Variants in SCAPER observed in about 807,000 individuals in gnomAD.
SCAPER encodes S phase cyclin A-associated protein in the endoplasmic reticulum.
A neutral mutation model predicts 182.2 loss-of-function variants in SCAPER; 98 were observed. The observed-to-expected ratio is 0.54, with a 90% confidence interval of 0.46 to 0.64. The LOEUF is 0.64. Among genes scored for constraint, SCAPER ranks in the 30% least tolerant of loss-of-function variants. The probability of loss-of-function intolerance (pLI) is 0.00; values close to 1 mark genes in which losing one functional copy is unlikely to be tolerated. For synonymous variants in SCAPER, 605 were observed against 564.6 expected (o/e 1.07, Z -1.01); for missense variants, 1,432 against 1,690.0 (o/e 0.85, Z 2.68).
intron 23 of SCAPER, among the ~76,000 whole-genome samples, chr15:76,563,701 G>C (rs1199559101): frequency 6.6e-6 from 1 of 152,132 alleles, no homozygotes; most frequent in East Asian, 1.9e-4. Context: ...AAACCTGGAA[G>C]AGATACAACA....
chr15:76,742,721 G>A (rs998088722), intron 15 of SCAPER, among the ~76,000 whole-genome samples: 4 of 151,586 alleles, frequency 2.6e-5, no homozygotes, highest in Admixed American at 6.6e-5. Context: ...AGAACTAAAG[G>A]ATTTGAAATG....
At chr15:76,579,036 G>A (rs1179898403) in intron 22 of SCAPER, among the ~76,000 whole-genome samples, 1 of 152,076 alleles carries the variant, frequency 6.6e-6, no homozygotes. Context: ...GGAGGCTGAG[G>A]CGGGCAGATC....
intron 23 of SCAPER, among the ~76,000 whole-genome samples, chr15:76,557,395 T>A (rs1410868144): frequency 6.6e-6 from 1 of 152,204 alleles, no homozygotes; most frequent in Admixed American, 6.5e-5. Flanking sequence ...AGTTTGGCTC[T>A]GTGTCTCCAC....
chr15:76,504,999 T>C (rs1404475483), intron 23 of SCAPER, 25 bp from the exon 24 acceptor site: 1 of 1,574,628 alleles, frequency 6.4e-7, no homozygotes, highest in African/African-American at 1.3e-5. Context: ...AAACAGAAGT[T>C]AGCCCAATTT....
At chr15:76,841,975 C>T in intron 4 of SCAPER, 44 bp from the exon 5 acceptor site, 1 of 1,509,086 alleles carries the variant, frequency 6.6e-7, no homozygotes, top group East Asian at 2.3e-5. Flanking sequence ...AATAAAAGGG[C>T]TTCCAGGGAC....
chr15:76,735,310 C>T (rs981271041), intron 15 of SCAPER, among the ~76,000 whole-genome samples: 9 of 152,000 alleles, frequency 5.9e-5, no homozygotes, highest in African/African-American at 2.2e-4. Flanking sequence ...GAGTTAGAGG[C>T]TGCAGTGAGC....
Position 76,883,845 on chromosome 15 carries a change from C to A in SCAPER, c.-28G>T. On this transcript the variant is annotated 5_prime_UTR_variant, in exon 2 of 32. The change abolishes an upstream ATG in the 5' untranslated region. Coordinates refer to ENST00000563290, the MANE Select transcript of SCAPER (RefSeq NM_020843.4). ...TTTAAATTCTCTTCTATGCCAAGATCATTTATCACATAAACCCATGGAGTA... is the reference window on the plus strand; with the variant it reads ...TTTAAATTCTCTTCTATGCCAAGATAATTTATCACATAAACCCATGGAGTA... 2 of 1,511,012 alleles carry A rather than the reference C, an allele frequency of 1.3e-6. No homozygotes were observed. Among genetic ancestry groups the A allele is most frequent in the Admixed American group, 2.0e-5 (1 of 49,668 alleles). The allele number at this position is 1,511,012 out of a possible 1,614,324, so 93.6% of individuals were successfully genotyped here.
intron 17 of SCAPER, among the ~76,000 whole-genome samples, chr15:76,706,719 G>A (rs1204855957): frequency 1.3e-5 from 2 of 151,978 alleles, no homozygotes; most frequent in Admixed American, 6.6e-5. Context: ...TACAGAAATG[G>A]TGAGACAAGT....
chr15:76,771,816 G>C lies in SCAPER; in HGVS notation c.1174C>G (p.Gln392Glu), dbSNP rs771277608. ...GCTGGAAATTTTTCTTCATTTACTT[G>C]TAAAGGAGGTGTACCAGCTTGCAGC... ...VMLQAGTPPL[Q>E]VNEEKFPAEK... The change falls in exon 10 of 32, where the codon CAA (glutamine) becomes GAA (glutamate). Residue 392 changes from glutamine (Q) to glutamate (E), a missense_variant. Around this residue, in one of 5 missense-constraint regions of SCAPER, gnomAD observed 480 missense variants for 510.2 expected, o/e 0.94. Coordinates refer to ENST00000563290, the MANE Select transcript of SCAPER (RefSeq NM_020843.4). 5 of 1,613,088 alleles carry C rather than the reference G, an allele frequency of 3.1e-6. No individual in the cohort carries two copies. Among genetic ancestry groups the C allele is most frequent in the East Asian group, 4.5e-5 (2 of 44,806 alleles).
chr15:76,669,048 G>A (rs1388166556), intron 20 of SCAPER, among the ~76,000 whole-genome samples: 1 of 152,138 alleles, frequency 6.6e-6, no homozygotes, highest in African/African-American at 2.4e-5. Flanking sequence ...CCATGACTGA[G>A]TGACACTGCA....
At chr15:76,770,160 C>A (rs966681051) in intron 10 of SCAPER, among the ~76,000 whole-genome samples, 1 of 139,944 alleles carries the variant, frequency 7.1e-6, no homozygotes, top group East Asian at 2.1e-4. Flanking sequence ...ACAATGAGAA[C>A]ACATGGACAC....
At chr15:76,697,485 G>C (rs149218376) in intron 20 of SCAPER, among the ~76,000 whole-genome samples, 1 of 152,144 alleles carries the variant, frequency 6.6e-6, no homozygotes, top group Non-Finnish European at 1.5e-5. Flanking sequence ...TCCGAAGTGC[G>C]TGAATCCTAT....
At chr15:76,724,249 T>A (rs1598382512) in intron 17 of SCAPER, among the ~76,000 whole-genome samples, 1 of 151,952 alleles carries the variant, frequency 6.6e-6, no homozygotes, top group Non-Finnish European at 1.5e-5. Context: ...TGTTGAATAT[T>A]GGCCCCCATT....
chr15:76,734,150 G>C (rs1473301636), intron 15 of SCAPER, among the ~76,000 whole-genome samples: 2 of 152,174 alleles, frequency 1.3e-5, no homozygotes, highest in East Asian at 3.9e-4. Context: ...TATAATGAAT[G>C]AGTGACAATT....
chr15:76,711,138 T>A (rs1202364682), intron 17 of SCAPER, among the ~76,000 whole-genome samples: 1 of 152,188 alleles, frequency 6.6e-6, no homozygotes, highest in Non-Finnish European at 1.5e-5. Flanking sequence ...TTTCTTTTTG[T>A]GTTAGGCAAC....
At chr15:76,542,894 G>A (rs995275199) in intron 23 of SCAPER, among the ~76,000 whole-genome samples, 2 of 151,978 alleles carry the variant, frequency 1.3e-5, no homozygotes, top group Non-Finnish European at 2.9e-5. Flanking sequence ...TATTTTCCTC[G>A]TAAAATGCCT....
In SCAPER at chr15:76,596,954, GC is replaced by G. The variant is rs1390228287; in HGVS notation, c.2712-22671del. On this transcript the variant is annotated intron_variant, in intron 22 of 31. Transcript: ENST00000563290. Reference sequence around the variant, plus strand: ...ATTCAACATAGTATTGGAAGTTCTGGCCAGGACAATCAGGCAAGAGAAAGAA... The same window carrying G: ...ATTCAACATAGTATTGGAAGTTCTGGCAGGACAATCAGGCAAGAGAAAGAA... Among the ~76,000 whole-genome samples the G allele has an allele frequency of 2.5e-5, 3 of 121,572 alleles. 1 individual carries two copies. The highest frequency in any genetic ancestry group is 7.6e-5 in the African/African-American group (3 of 39,708). The allele number at this position is 121,572 out of a possible 152,430, so 79.8% of individuals were successfully genotyped here.
At chr15:76,682,190 C>T (rs2057753202) in intron 20 of SCAPER, among the ~76,000 whole-genome samples, 1 of 152,078 alleles carries the variant, frequency 6.6e-6, no homozygotes, top group African/African-American at 2.4e-5. Context: ...AGGCACTTTG[C>T]CAGCATGCAG....
At chr15:76,704,748 C>G (rs1484199065) in intron 18 of SCAPER, among the ~76,000 whole-genome samples, 1 of 152,122 alleles carries the variant, frequency 6.6e-6, no homozygotes, top group African/African-American at 2.4e-5. Flanking sequence ...TATGAACAGA[C>G]CCTTCTCAAA....
Sources: allele counts gnomAD v4.1 joint callset (sites outside exome capture counted in the v4.1 genomes callset), GRCh38; gene constraint gnomAD v4.1.1; regional missense constraint gnomAD v4.1.1; transcripts MANE v1.5; gene names NCBI Gene and HGNC (gene_info 2026-07-23, HGNC 2026-07-21).